The following SLC16A7 variants were observed in gnomAD, a reference collection of about 807,000 sequenced individuals.
SLC16A7 encodes solute carrier family 16 member 7.
A neutral mutation model predicts 34.9 loss-of-function variants in SLC16A7; 33 were observed. The ratio of observed to expected loss-of-function variants is 0.94; its 90% CI spans 0.72 to 1.26. SLC16A7 has a LOEUF of 1.26. SLC16A7 is among the 50% of genes most tolerant of loss of function. The probability of loss-of-function intolerance (pLI) is 0.00; values close to 1 mark genes in which losing one functional copy is unlikely to be tolerated. For synonymous variants in SLC16A7, 201 were observed against 206.6 expected (o/e 0.97, Z 0.23); for missense variants, 573 against 578.1 (o/e 0.99, Z 0.09).
intron 2 of SLC16A7, among the ~76,000 whole-genome samples, chr12:59,686,057 T>C (rs1160204588): frequency 1.3e-5 from 2 of 151,478 alleles, no homozygotes; most frequent in African/African-American, 4.8e-5. Context: ...GCTTATATAA[T>C]GTAATTTCTT....
In SLC16A7 at chr12:59,771,359, A is replaced by G. The variant is rs372034754; in HGVS notation, c.358A>G (p.Thr120Ala). The change falls in exon 4 of 6, where the codon ACA becomes GCA. Residue 120 changes from threonine to alanine, a missense_variant. Transcript: ENST00000547379. ...GCTGTACCTCACTATGGGATTCATT[A>G]CAGGTAAGCCATTTAGTCTTCAGCT... ...VQLYLTMGFI[T>A]GLGLAFNLQP... 20 of 1,596,488 alleles carry G rather than the reference A, an allele frequency of 1.3e-5. No individual in the cohort carries two copies. In the African/African-American group the frequency reaches 2.3e-4, roughly 18 times the overall value.
chr12:59,678,529 GGAGT>G (rs1328735625), intron 2 of SLC16A7, among the ~76,000 whole-genome samples: 1 of 152,142 alleles, frequency 6.6e-6, no homozygotes, highest in Non-Finnish European at 1.5e-5. Context: ...AGGAGACTCT[GGAGT>G]GAGTAACTCT....
At chr12:59,654,044 A>G (rs980530721) in intron 1 of SLC16A7, among the ~76,000 whole-genome samples, 2 of 151,460 alleles carry the variant, frequency 1.3e-5, no homozygotes, top group African/African-American at 4.8e-5. Context: ...CTGTTCATCT[A>G]TATATTCCAA....
chr12:59,622,951 T>C (rs1400759339), intron 1 of SLC16A7, among the ~76,000 whole-genome samples: 1 of 151,684 alleles, frequency 6.6e-6, no homozygotes, highest in African/African-American at 2.4e-5. Flanking sequence ...GTTTTTGTTT[T>C]TTCTGCATGG....
chr12:59,608,263 C>A (rs1377893401), intron 1 of SLC16A7, among the ~76,000 whole-genome samples: 1 of 152,140 alleles, frequency 6.6e-6, no homozygotes, highest in Non-Finnish European at 1.5e-5. Context: ...CATATAGGTC[C>A]TCATTACCCA....
chr12:59,689,377 A>G (rs1299269269), intron 2 of SLC16A7: 1 of 151,984 alleles, frequency 6.6e-6, no homozygotes, highest in Non-Finnish European at 1.5e-5. Context: ...TTCACAAGGA[A>G]ACTTCTGCCT....
intron 1 of SLC16A7, among the ~76,000 whole-genome samples, chr12:59,648,202 A>G (rs181804738): frequency 8.7e-4 from 133 of 152,296 alleles, no homozygotes; most frequent in African/African-American, 3.1e-3. Flanking sequence ...CTTACTGGAC[A>G]GGCCTTGGGG....
intron 2 of SLC16A7, among the ~76,000 whole-genome samples, chr12:59,690,212 G>A (rs1020920318): frequency 3.3e-5 from 5 of 151,946 alleles, no homozygotes; most frequent in Admixed American, 2.0e-4. Flanking sequence ...AAAACTCTCA[G>A]ATAAATTTTT....
Position 59,668,273 on chromosome 12 carries a change from G to A in SLC16A7, c.-31+13023G>A, listed in dbSNP as rs917560105. On this transcript the variant is annotated intron_variant, in intron 2 of 5. Transcript: ENST00000547379. Reference sequence around the variant, plus strand: ...ACCAACAGCTTGCACTGTGAACCTGGAAAAGCCACAGGCACTCAACTCCAG... The same window carrying A: ...ACCAACAGCTTGCACTGTGAACCTGAAAAAGCCACAGGCACTCAACTCCAG... Among the ~76,000 whole-genome samples, 24 of 152,130 alleles carry A rather than the reference G, an allele frequency of 1.6e-4. 1 individual carries two copies. Among genetic ancestry groups the A allele is most frequent in the Non-Finnish European group, 7.4e-5 (5 of 68,024 alleles).
chr12:59,767,191 T>G (rs922311331), intron 3 of SLC16A7, among the ~76,000 whole-genome samples: 6 of 151,460 alleles, frequency 4.0e-5, no homozygotes, highest in Non-Finnish European at 8.9e-5. Context: ...TAGAAGCTAG[T>G]AAATGTTGAT....
At chr12:59,704,660 A>G in intron 2 of SLC16A7, 112 bp from the exon 3 acceptor site, 1 of 614,242 alleles carries the variant, frequency 1.6e-6, no homozygotes, top group South Asian at 2.2e-5. Context: ...AAAAATATTC[A>G]TGAAAAATCA....
At chr12:59,647,394 T>G (rs1868266105) in intron 1 of SLC16A7, among the ~76,000 whole-genome samples, 1 of 152,178 alleles carries the variant, frequency 6.6e-6, no homozygotes, top group African/African-American at 2.4e-5. Context: ...ATTCTTCTCC[T>G]TTCTGCTGCC....
chr12:59,741,065 T>G (rs1349447851), intron 3 of SLC16A7, among the ~76,000 whole-genome samples: 2 of 152,018 alleles, frequency 1.3e-5, no homozygotes, highest in Non-Finnish European at 2.9e-5. Flanking sequence ...TAAAAGAGGA[T>G]ACAAAGAAAT....
intron 1 of SLC16A7, among the ~76,000 whole-genome samples, chr12:59,646,077 A>G (rs1182813264): frequency 6.6e-6 from 1 of 152,174 alleles, no homozygotes; most frequent in Non-Finnish European, 1.5e-5. Flanking sequence ...TTTTCAGCCT[A>G]ACAATACGAT....
intron 1 of SLC16A7, among the ~76,000 whole-genome samples, chr12:59,612,300 C>T (rs1014403374): frequency 2.0e-5 from 3 of 152,200 alleles, no homozygotes; most frequent in South Asian, 2.1e-4. Context: ...GCTTGGGGCT[C>T]GCCCTATCTA....
intron 3 of SLC16A7, among the ~76,000 whole-genome samples, chr12:59,751,082 G>C (rs896128194): frequency 6.6e-6 from 1 of 152,002 alleles, no homozygotes; most frequent in African/African-American, 2.4e-5. Context: ...GCTAGGGGAG[G>C]GACAGCATTA....
At chr12:59,771,497 C>T (rs1283907459) in intron 4 of SLC16A7, 135 bp downstream of exon 4, 2 of 527,432 alleles carry the variant, frequency 3.8e-6, no homozygotes. Context: ...AAAATATTTT[C>T]ATCTAGTACA....
At chr12:59,704,199 CA>C (rs34021022) in intron 2 of SLC16A7, among the ~76,000 whole-genome samples, 12,653 of 51,414 alleles carry the variant, frequency 0.25, 246 homozygotes, top group African/African-American at 0.31. Context: ...GACTCTGTCT[CA>C]AAAAAAAAAA....
chr12:59,600,556 C>T (rs1878634708), intron 1 of SLC16A7, among the ~76,000 whole-genome samples: 1 of 151,802 alleles, frequency 6.6e-6, no homozygotes, highest in African/African-American at 2.4e-5. Context: ...TGTGAGAGAT[C>T]CAGCTGTTTA....
Sources: allele counts gnomAD v4.1 joint callset (sites outside exome capture counted in the v4.1 genomes callset), GRCh38; gene constraint gnomAD v4.1.1; transcripts MANE v1.5; gene names NCBI Gene and HGNC (gene_info 2026-07-23, HGNC 2026-07-21).